ARMC3: variants seen among roughly 807,000 people sequenced by gnomAD.
ARMC3 encodes the protein armadillo repeat containing 3.
A neutral mutation model predicts 90.3 loss-of-function variants in ARMC3; 74 were observed. The ratio of observed to expected loss-of-function variants is 0.82; its 90% CI spans 0.68 to 0.99. ARMC3 has a LOEUF of 0.99. Ranked by LOEUF, ARMC3 falls within the 50% of genes least tolerant of loss-of-function variation. ARMC3 has a pLI of 0.00. For missense variants in ARMC3, 958 were observed against 1,042.8 expected (o/e 0.92, Z 1.12); for synonymous variants, 334 against 361.8 (o/e 0.92, Z 0.87).
intron 2 of ARMC3, among the ~76,000 whole-genome samples, chr10:22,943,517 CTTTT>C (rs1564341961): frequency 6.6e-6 from 1 of 151,902 alleles, no homozygotes; most frequent in East Asian, 1.9e-4. Flanking sequence ...CAACATTCCT[CTTTT>C]TTTAAAACCA....
rs185141100 is a variant in ARMC3, at chr10:22,939,346, C to T, written c.49-6798C>T. 2.5e-3 allele frequency among the ~76,000 whole-genome samples: 387 copies of T among 152,196 alleles called. 2 individuals are homozygous for T. Among genetic ancestry groups the T allele is most frequent in the Middle Eastern group, 0.01 (3 of 294 alleles). Reference sequence around the variant, plus strand: ...AGTCTAATCTGTATGGGGTGGAACTCCACCTGGCAAAGGACATGCATGAAC... The same window carrying T: ...AGTCTAATCTGTATGGGGTGGAACTTCACCTGGCAAAGGACATGCATGAAC... On this transcript the variant is annotated intron_variant, in intron 2 of 18. Transcript: ENST00000298032.
chr10:22,991,632 T>C (rs985163903), intron 10 of ARMC3, among the ~76,000 whole-genome samples: 1 of 152,100 alleles, frequency 6.6e-6, no homozygotes, highest in African/African-American at 2.4e-5. Context: ...TGCAGAATTG[T>C]TACAGTATAG....
At chr10:22,982,523 G>T (rs1448575851) in intron 10 of ARMC3, among the ~76,000 whole-genome samples, 1 of 152,218 alleles carries the variant, frequency 6.6e-6, no homozygotes, top group African/African-American at 2.4e-5. Context: ...TCTGCCAGCA[G>T]TTGAGGAAAC....
chr10:23,026,098 A>G (rs1334060017), intron 16 of ARMC3, among the ~76,000 whole-genome samples: 1 of 152,126 alleles, frequency 6.6e-6, no homozygotes, highest in African/African-American at 2.4e-5. Flanking sequence ...ATTTTTTTCC[A>G]AAAAGAAATC....
chr10:22,994,513 C>T (rs574480231), intron 10 of ARMC3, among the ~76,000 whole-genome samples: 10 of 151,654 alleles, frequency 6.6e-5, no homozygotes, highest in East Asian at 1.9e-4. Context: ...GCCTGGGCAA[C>T]GTAGCAAGAC....
Position 22,955,874 on chromosome 10 carries a change from T to C in ARMC3, c.234T>C (p.His78=), listed in dbSNP as rs143678694. The change falls in exon 4 of 19, where the codon CAT becomes CAC. Residue 78 remains histidine (H), a synonymous_variant. Transcript: ENST00000298032. ...AVEPLTKLLT[H]EDKIVRRNAT... is the part of the protein sequence containing the mutation. Reference sequence around the variant, plus strand: ...AACCTTTAACTAAGCTACTCACCCATGAAGACAAAATTGTAAGAAGAAATG... The same window carrying C: ...AACCTTTAACTAAGCTACTCACCCACGAAGACAAAATTGTAAGAAGAAATG... 147 of 1,613,140 alleles carry C rather than the reference T, an allele frequency of 9.1e-5. No homozygotes were observed. The highest frequency in any genetic ancestry group is 3.0e-4 in the South Asian group (27 of 91,070).
At chr10:23,026,783 G>A (rs1012492782) in intron 16 of ARMC3, among the ~76,000 whole-genome samples, 2 of 152,074 alleles carry the variant, frequency 1.3e-5, no homozygotes, top group Non-Finnish European at 2.9e-5. Flanking sequence ...GTAGGTTTAT[G>A]CCTCTACTAG....
chr10:22,952,953 C>G (rs1251968095), intron 3 of ARMC3, among the ~76,000 whole-genome samples: 1 of 152,152 alleles, frequency 6.6e-6, no homozygotes, highest in African/African-American at 2.4e-5. Context: ...TCCCTGGAAG[C>G]TATGAAAATA....
chr10:22,946,114 G>A, intron 2 of ARMC3, 30 bp from the exon 3 acceptor site: 1 of 1,443,084 alleles, frequency 6.9e-7, no homozygotes, highest in South Asian at 1.2e-5. Flanking sequence ...GCTCATATGT[G>A]AAACTGATAG....
intron 17 of ARMC3, 44 bp downstream of exon 17, chr10:23,030,840 T>A (rs753322063): frequency 2.1e-5 from 34 of 1,589,116 alleles, no homozygotes; most frequent in Non-Finnish European, 2.7e-5. Context: ...TCTGAAAAAA[T>A]TTTAGTGTCA....
intron 13 of ARMC3, among the ~76,000 whole-genome samples, chr10:23,005,996 A>C (rs1177416065): frequency 6.6e-6 from 1 of 152,180 alleles, no homozygotes; most frequent in Non-Finnish European, 1.5e-5. Flanking sequence ...AGTTGCAGTC[A>C]GGTGGGTATC....
intron 3 of ARMC3, among the ~76,000 whole-genome samples, chr10:22,950,188 T>C (rs776884862): frequency 2.2e-4 from 33 of 151,918 alleles, no homozygotes; most frequent in Non-Finnish European, 4.4e-5. Context: ...GAAACATGGA[T>C]CTACAAAAAA....
intron 10 of ARMC3, among the ~76,000 whole-genome samples, chr10:22,984,406 A>C (rs7076222): frequency 0.075 from 11,411 of 152,202 alleles, 963 homozygotes; most frequent in African/African-American, 0.21. Flanking sequence ...AATAATCAAC[A>C]CAGGGAAGGA....
chr10:22,945,945 C>A (rs1255812479), intron 2 of ARMC3, among the ~76,000 whole-genome samples, 199 bp from the exon 3 acceptor site: 3 of 152,162 alleles, frequency 2.0e-5, no homozygotes, highest in African/African-American at 7.2e-5. Flanking sequence ...TCCCACCATA[C>A]CCCAGGCATT....
Position 23,030,707 on chromosome 10 carries a change from T to A in ARMC3, c.2157T>A (p.Ser719=), listed in dbSNP as rs912888434. 1 of 1,613,836 alleles carries A rather than the reference T, an allele frequency of 6.2e-7. No homozygotes were observed. The highest frequency in any genetic ancestry group is 8.5e-7 in the Non-Finnish European group (1 of 1,179,884). ...GSSDKEWCPP[S]DPDFSMYVYE... Reference sequence around the variant, plus strand: ...CTGACAAAGAATGGTGTCCTCCCTCTGACCCTGATTTCTCTATGTATGTGT... The same window carrying A: ...CTGACAAAGAATGGTGTCCTCCCTCAGACCCTGATTTCTCTATGTATGTGT... Residue 719 remains serine, a synonymous_variant, in exon 17 of 19, where the codon TCT becomes TCA. Coordinates refer to ENST00000298032, the MANE Select transcript of ARMC3 (RefSeq NM_173081.5).
At chr10:22,938,469 A>G (rs907987664) in intron 2 of ARMC3, among the ~76,000 whole-genome samples, 2 of 152,230 alleles carry the variant, frequency 1.3e-5, no homozygotes, top group Non-Finnish European at 1.5e-5. Context: ...CGTTCTAGCT[A>G]CAATGTGGGA....
At chr10:23,012,912 CAG>C (rs1838087846) in intron 16 of ARMC3, among the ~76,000 whole-genome samples, 1 of 135,436 alleles carries the variant, frequency 7.4e-6, no homozygotes, top group Non-Finnish European at 1.5e-5. Context: ...TTTTTTGAGA[CAG>C]AGTCTCACTC....
intron 10 of ARMC3, among the ~76,000 whole-genome samples, chr10:22,983,888 G>A (rs542204670): frequency 6.6e-6 from 1 of 152,278 alleles, no homozygotes; most frequent in South Asian, 2.1e-4. Flanking sequence ...TACTCAGATC[G>A]TCTTTTAAAA....
intron 16 of ARMC3, 77 bp downstream of exon 16, chr10:23,009,008 T>C: frequency 2.6e-6 from 3 of 1,146,874 alleles, no homozygotes; most frequent in Non-Finnish European, 1.3e-6. Context: ...TAGGAAGCTT[T>C]CTTCTGACAT....
Sources: allele counts gnomAD v4.1 joint callset (sites outside exome capture counted in the v4.1 genomes callset), GRCh38; gene constraint gnomAD v4.1.1; transcripts MANE v1.5; gene names NCBI Gene and HGNC (gene_info 2026-07-23, HGNC 2026-07-21).